The following NELL1 variants were observed in gnomAD, a reference collection of about 807,000 sequenced individuals.
The protein encoded by NELL1 is protein kinase C-binding protein NELL1.
In NELL1, 76 loss-of-function variants were observed where a neutral mutation model predicts 107.4. That is an observed-to-expected ratio of 0.71 (90% confidence interval 0.59 to 0.86). NELL1 has a LOEUF of 0.86. Among genes scored for constraint, NELL1 ranks in the 40% least tolerant of loss-of-function variants. NELL1 has a pLI of 0.00. For synonymous variants in NELL1, 353 were observed against 341.2 expected (o/e 1.03, Z -0.38); for missense variants, 1,024 against 1,005.5 (o/e 1.02, Z -0.25).
In NELL1 at chr11:21,199,464, C is replaced by T. The variant is rs1176497339; in HGVS notation, c.1427-29868C>T. On this transcript the variant is annotated intron_variant, in intron 13 of 19. Transcript: ENST00000357134. ...AGCAAAAACAGATTCTTTTAAGACT[C>T]TTGCAATCTCAGTAAGTACATAGTT... is the stretch of plus-strand genomic sequence containing the variant. Among the ~76,000 whole-genome samples the T allele has an allele frequency of 2.6e-5, 4 of 152,278 alleles. No homozygotes were observed. In the East Asian group the frequency reaches 7.7e-4, roughly 29 times the overall value.
At chr11:20,967,509 A>G (rs987969360) in intron 12 of NELL1, among the ~76,000 whole-genome samples, 7 of 152,174 alleles carry the variant, frequency 4.6e-5, no homozygotes, top group Admixed American at 1.3e-4. Flanking sequence ...AATTTCGGGT[A>G]AGGGTACATC....
At chr11:20,891,037 C>T (rs1849606736) in intron 5 of NELL1, among the ~76,000 whole-genome samples, 1 of 152,224 alleles carries the variant, frequency 6.6e-6, no homozygotes, top group East Asian at 1.9e-4. Context: ...ACGAGAAGAT[C>T]AACCCCAAGA....
At chr11:21,386,447 C>T (rs1423249597) in intron 15 of NELL1, among the ~76,000 whole-genome samples, 1 of 151,632 alleles carries the variant, frequency 6.6e-6, no homozygotes, top group East Asian at 2.0e-4. Context: ...TAAGTGAGTC[C>T]CCACTTCCTT....
chr11:21,153,884 C>T (rs1040263884), intron 13 of NELL1, among the ~76,000 whole-genome samples: 10 of 152,126 alleles, frequency 6.6e-5, no homozygotes, highest in Admixed American at 2.0e-4. Flanking sequence ...AAGTGGAGAA[C>T]GTGTTCTTAC....
intron 12 of NELL1, among the ~76,000 whole-genome samples, chr11:20,996,905 C>T (rs896556621): frequency 6.6e-6 from 1 of 152,180 alleles, no homozygotes; most frequent in Admixed American, 6.5e-5. Context: ...ATCTCCCCCA[C>T]CTCCATATCC....
intron 2 of NELL1, among the ~76,000 whole-genome samples, chr11:20,706,434 C>A (rs1031523300): frequency 6.7e-6 from 1 of 148,892 alleles, no homozygotes; most frequent in Non-Finnish European, 1.5e-5. Context: ...AACCAAACAC[C>A]GCATGTTTTT....
chr11:21,214,503 AC>A (rs1424178372), intron 13 of NELL1, among the ~76,000 whole-genome samples: 3 of 152,124 alleles, frequency 2.0e-5, no homozygotes, highest in Non-Finnish European at 4.4e-5. Flanking sequence ...ATTTCTATAC[AC>A]CCATCAGAAT....
At chr11:21,372,599 C>A (rs1220672887) in intron 15 of NELL1, among the ~76,000 whole-genome samples, 1 of 151,686 alleles carries the variant, frequency 6.6e-6, no homozygotes, top group Non-Finnish European at 1.5e-5. Flanking sequence ...TGTTATCAAA[C>A]CTTGCATGGG....
chr11:21,384,444 A>G (rs1378425997), intron 15 of NELL1, among the ~76,000 whole-genome samples: 3 of 148,438 alleles, frequency 2.0e-5, no homozygotes. Flanking sequence ...TTTTTTTTAC[A>G]TTTATTTATT....
At chr11:20,918,314 A>G (rs1160146972) in intron 6 of NELL1, 60 bp downstream of exon 6, 6 of 1,068,154 alleles carry the variant, frequency 5.6e-6, no homozygotes, top group Non-Finnish European at 8.7e-6. Flanking sequence ...TATCAGAGAA[A>G]CACATCTGGA....
intron 15 of NELL1, among the ~76,000 whole-genome samples, chr11:21,418,536 G>A (rs1197004915): frequency 1.3e-5 from 2 of 152,088 alleles, no homozygotes; most frequent in Non-Finnish European, 2.9e-5. Flanking sequence ...CTGCACATGT[G>A]TACTGAGCAC....
In NELL1 at chr11:20,749,735, T is replaced by C. The variant is rs564069454; in HGVS notation, c.185-33945T>C. On this transcript the variant is annotated intron_variant, in intron 2 of 19. Transcript: ENST00000357134. ...ACCATCACCCTCTAAATAAAAATATTTTTATTATCCCTTCCTGACACTTCA... is the reference window on the plus strand; with the variant it reads ...ACCATCACCCTCTAAATAAAAATATCTTTATTATCCCTTCCTGACACTTCA... Among the ~76,000 whole-genome samples the C allele has an allele frequency of 2.6e-5, 4 of 152,286 alleles. No individual in the cohort carries two copies. The East Asian group carries it at 5.8e-4, about 22-fold the overall frequency.
At chr11:21,380,383 C>G (rs1851581253) in intron 15 of NELL1, among the ~76,000 whole-genome samples, 1 of 151,960 alleles carries the variant, frequency 6.6e-6, no homozygotes, top group African/African-American at 2.4e-5. Flanking sequence ...AATTTCCTGT[C>G]CTGGATGTTT....
chr11:21,241,905 T>TATA (rs1491505114), intron 14 of NELL1, among the ~76,000 whole-genome samples: 6 of 5,522 alleles, frequency 1.1e-3, no homozygotes, highest in African/African-American at 1.2e-3. Flanking sequence ...TCTGTTTCTA[T>TATA]TTTTTTTTTT....
intron 2 of NELL1, among the ~76,000 whole-genome samples, chr11:20,694,018 C>A (rs554684935): frequency 1.6e-3 from 242 of 152,172 alleles, no homozygotes; most frequent in African/African-American, 5.4e-3. Context: ...CTTCCCTTCT[C>A]GCTTCATTTC....
At chr11:20,740,844 T>A (rs537579969) in intron 2 of NELL1, among the ~76,000 whole-genome samples, 1 of 152,184 alleles carries the variant, frequency 6.6e-6, no homozygotes, top group South Asian at 2.1e-4. Flanking sequence ...TAGGCTGGAT[T>A]CAAACTCCTG....
chr11:20,974,316 T>C (rs1254659047), intron 12 of NELL1, among the ~76,000 whole-genome samples: 1 of 152,198 alleles, frequency 6.6e-6, no homozygotes, highest in Non-Finnish European at 1.5e-5. Context: ...ACCTGTCATC[T>C]TGCTCAGTCC....
At chr11:20,729,293 CTT>C (rs1211303112) in intron 2 of NELL1, among the ~76,000 whole-genome samples, 2 of 152,006 alleles carry the variant, frequency 1.3e-5, no homozygotes, top group East Asian at 3.9e-4. Flanking sequence ...TTAGATGCCT[CTT>C]ATTTTTTTCT....
chr11:20,909,545 A>G (rs1213959124), intron 5 of NELL1, among the ~76,000 whole-genome samples: 2 of 152,126 alleles, frequency 1.3e-5, no homozygotes, highest in African/African-American at 4.8e-5. Context: ...AATCCTGAAC[A>G]TACCTCTTTA....
Sources: gnomAD v4.1 joint callset for allele counts (sites outside exome capture counted in the v4.1 genomes callset) on GRCh38, gnomAD v4.1.1 for gene constraint, MANE v1.5 for transcripts, NCBI Gene and HGNC (gene_info 2026-07-23, HGNC 2026-07-21) for gene names.